Variants in HDDC2 observed in about 807,000 individuals in gnomAD.
HDDC2 encodes HD domain containing 2, also known as 5'-deoxynucleotidase HDDC2.
In HDDC2, 25 loss-of-function variants were observed where a neutral mutation model predicts 25.5. The observed-to-expected ratio is 0.98, with a 90% CI of 0.72 to 1.37. HDDC2 has a LOEUF of 1.37. Ranked by LOEUF, HDDC2 falls within the 40% of genes most tolerant of loss-of-function variation. The probability of loss-of-function intolerance (pLI) is 0.00; values close to 1 mark genes in which losing one functional copy is unlikely to be tolerated. For missense variants in HDDC2, 264 were observed against 253.1 expected (o/e 1.04, Z -0.29); for synonymous variants, 106 against 89.7 (o/e 1.18, Z -1.03).
In HDDC2 at chr6:125,277,120, A is replaced by C. The variant is rs1427229338; in HGVS notation, c.499T>G (p.Phe167Val). The C allele has an allele frequency of 6.2e-7, 1 of 1,614,092 alleles. No individual in the cohort carries two copies. The highest frequency in any genetic ancestry group is 8.5e-7 in the Non-Finnish European group (1 of 1,179,972). ...LEHKPGRLQD[F>V]YDSTAGKFNH... ...TGAGTACCTGCTGTGGAATCATAGA[A>C]GTCTTGCAGTCTCCCAGGTTTGTGT... Residue 167 changes from phenylalanine (F) to valine (V), a missense_variant, in exon 5 of 6, where the codon TTC becomes GTC. By Grantham distance (50) the Phe-to-Val change is conservative. Coordinates refer to ENST00000398153, the MANE Select transcript of HDDC2 (RefSeq NM_016063.3).
At chr6:125,295,359 G>C (rs1798693375) in intron 3 of HDDC2, among the ~76,000 whole-genome samples, 1 of 152,168 alleles carries the variant, frequency 6.6e-6, no homozygotes, top group Admixed American at 6.5e-5. Flanking sequence ...TCATCATTCA[G>C]ACACTGATGA....
At chr6:125,300,757 G>T in intron 1 of HDDC2, 98 bp from the exon 2 acceptor site, 1 of 1,219,148 alleles carries the variant, frequency 8.2e-7, no homozygotes, top group Non-Finnish European at 1.1e-6. Context: ...CACAGAAGCC[G>T]GGTCATAATT....
In HDDC2 at chr6:125,298,755, C is replaced by T; in HGVS notation, c.268G>A (p.Ala90Thr). The T allele has an allele frequency of 6.2e-7, 1 of 1,614,120 alleles. No individual in the cohort carries two copies. Residue 90 changes from alanine to threonine, a missense_variant, in exon 3 of 6, where the codon GCA becomes ACA. Ala to Thr is a moderately conservative substitution (Grantham distance 58). Coordinates refer to ENST00000398153, the MANE Select transcript of HDDC2 (RefSeq NM_016063.3). Reference sequence around the variant, plus strand: ...TTTTCTTCTTTGGGGATGTTATCTGCTGGTGCTATGTCCCCAACGATGCAT... The same window carrying T: ...TTTTCTTCTTTGGGGATGTTATCTGTTGGTGCTATGTCCCCAACGATGCAT... Reference protein sequence around the residue: ...AECIVGDIAPADNIPKEEKHR... With the variant: ...AECIVGDIAPTDNIPKEEKHR...
At chr6:125,300,693 A>G in intron 1 of HDDC2, 34 bp from the exon 2 acceptor site, 1 of 1,602,992 alleles carries the variant, frequency 6.2e-7, no homozygotes, top group South Asian at 1.1e-5. Context: ...GAAGTTTTAA[A>G]GAACAAATAT....
intron 3 of HDDC2, 164 bp downstream of exon 3, chr6:125,298,550 C>T (rs1798742688): frequency 1.6e-6 from 1 of 620,190 alleles, no homozygotes; most frequent in Admixed American, 2.7e-5. Context: ...AGCCCAGGCC[C>T]TGAATCTCTA....
intron 3 of HDDC2, among the ~76,000 whole-genome samples, chr6:125,295,664 CTT>C (rs1255473370): frequency 1.3e-5 from 2 of 152,152 alleles, no homozygotes; most frequent in African/African-American, 4.8e-5. Flanking sequence ...TTTTCTCCTT[CTT>C]GTCATACTTA....
At chr6:125,287,830 G>A (rs1356386134) in intron 4 of HDDC2, among the ~76,000 whole-genome samples, 1 of 152,216 alleles carries the variant, frequency 6.6e-6, no homozygotes, top group Non-Finnish European at 1.5e-5. Context: ...CACAACCGGA[G>A]GGATGAGGTT....
At chr6:125,294,282 A>C (rs1265110746) in intron 3 of HDDC2, among the ~76,000 whole-genome samples, 1 of 152,232 alleles carries the variant, frequency 6.6e-6, no homozygotes, top group African/African-American at 2.4e-5. Context: ...ATATTTATTT[A>C]TTACTGGGAG....
chr6:125,287,143 T>C (rs1197248006), intron 4 of HDDC2, among the ~76,000 whole-genome samples: 3 of 151,944 alleles, frequency 2.0e-5, no homozygotes, highest in African/African-American at 7.3e-5. Context: ...ATTCAACAGG[T>C]AAATTATAAG....
chr6:125,285,913 TC>T (rs1163183100), intron 4 of HDDC2, among the ~76,000 whole-genome samples: 3 of 152,150 alleles, frequency 2.0e-5, no homozygotes, highest in African/African-American at 7.2e-5. Context: ...AAAATGTCTC[TC>T]CCCATCTGTC....
rs1798352603 is a variant in HDDC2, at chr6:125,275,376, A to C, written c.*770T>G. ...GATTATTTATCCTATAAAAGGGAAA[A>C]GAGAGGAAGAAATCGGGTTGATATA... On this transcript the variant is annotated 3_prime_UTR_variant, in exon 6 of 6. Transcript: ENST00000398153. 6.6e-6 allele frequency: 1 copy of C among 152,194 alleles called. No individual in the cohort carries two copies. Among genetic ancestry groups the C allele is most frequent in the East Asian group, 1.9e-4 (1 of 5,198 alleles). 9.4% of individuals were successfully genotyped at this position (152,194 alleles called of 1,614,324 possible). A position where few individuals can be genotyped will look rare whatever the true frequency, so the allele number is the denominator to read the frequency against.
intron 4 of HDDC2, among the ~76,000 whole-genome samples, chr6:125,283,984 G>A (rs574167914): frequency 6.6e-6 from 1 of 152,028 alleles, no homozygotes; most frequent in Non-Finnish European, 1.5e-5. Context: ...ACCAATGGAA[G>A]AGAACAGAGG....
chr6:125,283,460 C>A (rs191643769), intron 4 of HDDC2, among the ~76,000 whole-genome samples: 366 of 152,336 alleles, frequency 2.4e-3, no homozygotes, highest in African/African-American at 8.4e-3. Flanking sequence ...TAAGCAACTT[C>A]AGCAAAGCCT....
At chr6:125,293,008 C>A (rs1287523529) in intron 3 of HDDC2, 99 bp from the exon 4 acceptor site, 1 of 924,758 alleles carries the variant, frequency 1.1e-6, no homozygotes, top group Admixed American at 1.7e-5. Context: ...ACAAACAACT[C>A]TCACAGGGGC....
chr6:125,277,029 T>A lies in HDDC2; in HGVS notation c.517+73A>T, dbSNP rs537930760. 3.2e-5 allele frequency: 48 copies of A among 1,485,676 alleles called. 1 individual carries two copies. In the African/African-American group the frequency reaches 4.7e-4, roughly 15 times the overall value. The allele number at this position is 1,485,676 out of a possible 1,614,324, so 92.0% of individuals were successfully genotyped here. A position where few individuals can be genotyped will look rare whatever the true frequency, so the allele number is the denominator to read the frequency against. ...TGAAGGTACCAACAGTGGGTTTCCC[T>A]AATATTAACATTAGTCACTACACTG... is the stretch of plus-strand genomic sequence containing the variant. On this transcript the variant is annotated intron_variant, in intron 5 of 5. Coordinates refer to ENST00000398153, the MANE Select transcript of HDDC2 (RefSeq NM_016063.3).
At chr6:125,286,558 G>C (rs1399083702) in intron 4 of HDDC2, among the ~76,000 whole-genome samples, 1 of 152,192 alleles carries the variant, frequency 6.6e-6, no homozygotes, top group African/African-American at 2.4e-5. Context: ...CCACAATAGA[G>C]AAGTGGTTAA....
chr6:125,300,532 G>T lies in HDDC2; in HGVS notation c.206+6C>A. Reference sequence around the variant, plus strand: ...CTCACGAGCATCAAAGTCCAGCTCAGCTTACCGGTCTTTGTTAAGACGGTC... The same window carrying T: ...CTCACGAGCATCAAAGTCCAGCTCATCTTACCGGTCTTTGTTAAGACGGTC... On this transcript the variant is annotated splice_donor_region_variant and intron_variant, in intron 2 of 5. Coordinates refer to ENST00000398153, the MANE Select transcript of HDDC2 (RefSeq NM_016063.3). 1.2e-6 allele frequency: 2 copies of T among 1,613,038 alleles called. No homozygotes were observed. The highest frequency in any genetic ancestry group is 1.7e-6 in the Non-Finnish European group (2 of 1,179,542).
chr6:125,275,835 T>C lies in HDDC2; in HGVS notation c.*311A>G, dbSNP rs1447784205. On this transcript the variant is annotated 3_prime_UTR_variant, in exon 6 of 6. Coordinates refer to ENST00000398153, the MANE Select transcript of HDDC2 (RefSeq NM_016063.3). ...ACCTAGCCTTCGGGGATATCGGTAA[T>C]TAAGTCAGAATAAGATGATTTTAAA... 3.6e-6 allele frequency: 1 copy of C among 281,082 alleles called. No individual in the cohort carries two copies. Among genetic ancestry groups the C allele is most frequent in the Non-Finnish European group, 6.6e-6 (1 of 152,050 alleles). 17.4% of individuals were successfully genotyped at this position (281,082 alleles called of 1,614,324 possible).
intron 3 of HDDC2, among the ~76,000 whole-genome samples, chr6:125,296,408 G>C (rs1280619289): frequency 6.6e-6 from 1 of 152,140 alleles, no homozygotes; most frequent in East Asian, 1.9e-4. Context: ...AAGGGCAAAT[G>C]AGGTTTCCTG....
Sources: gnomAD v4.1 joint callset for allele counts (sites outside exome capture counted in the v4.1 genomes callset) on GRCh38, gnomAD v4.1.1 for gene constraint, MANE v1.5 for transcripts, NCBI Gene and HGNC (gene_info 2026-07-23, HGNC 2026-07-21) for gene names.